The following ACO1 variants were observed in gnomAD, a reference collection of about 807,000 sequenced individuals.
The protein encoded by ACO1 is cytoplasmic aconitate hydratase.
A neutral mutation model predicts 105.1 loss-of-function variants in ACO1; 78 were observed. That is an observed-to-expected ratio of 0.74 (90% CI 0.62 to 0.90). The LOEUF is 0.90. Ranked by LOEUF, ACO1 falls within the 40% of genes least tolerant of loss-of-function variation. The pLI is 0.00. For missense variants in ACO1, 965 were observed against 1,111.1 expected (o/e 0.87, Z 1.87); for synonymous variants, 364 against 397.4 (o/e 0.92, Z 1.00).
chr9:32,446,678 A>G (rs2118578214), intron 19 of ACO1, among the ~76,000 whole-genome samples: 1 of 152,210 alleles, frequency 6.6e-6, no homozygotes, highest in South Asian at 2.1e-4. Flanking sequence ...TTTTCATAGC[A>G]TCGATGGTCT....
intron 14 of ACO1, among the ~76,000 whole-genome samples, chr9:32,431,219 G>A (rs187883885): frequency 6.6e-6 from 1 of 152,238 alleles, no homozygotes; most frequent in East Asian, 1.9e-4. Flanking sequence ...CAACACACAC[G>A]TTCTATGCTG....
At chr9:32,386,150 G>T (rs79108616) in intron 1 of ACO1, among the ~76,000 whole-genome samples, 2,789 of 152,300 alleles carry the variant, frequency 0.018, 41 homozygotes, top group Non-Finnish European at 0.026. Context: ...AACAGGACCT[G>T]TAGGCTCACA....
intron 4 of ACO1, among the ~76,000 whole-genome samples, chr9:32,416,432 G>A (rs576068145): frequency 1.1e-4 from 17 of 152,144 alleles, no homozygotes; most frequent in Non-Finnish European, 7.4e-5. Flanking sequence ...ACATGCTTCC[G>A]GTCCCTTTTT....
intron 1 of ACO1, among the ~76,000 whole-genome samples, chr9:32,393,885 C>T (rs1055699643): frequency 1.3e-5 from 2 of 152,148 alleles, no homozygotes; most frequent in East Asian, 3.9e-4. Flanking sequence ...ACACCGTAAC[C>T]TGCCTCCCAG....
intron 10 of ACO1, among the ~76,000 whole-genome samples, chr9:32,425,472 A>G (rs544638341): frequency 3.9e-5 from 6 of 152,320 alleles, no homozygotes; most frequent in Non-Finnish European, 8.8e-5. Context: ...GTCCATATCC[A>G]TTAAACTGTA....
intron 14 of ACO1, 118 bp from the exon 15 acceptor site, chr9:32,431,601 T>C: frequency 1.9e-6 from 2 of 1,081,076 alleles, no homozygotes; most frequent in Non-Finnish European, 2.7e-6. Flanking sequence ...ATCCAGTCAT[T>C]CAGTGTTCAC....
chr9:32,417,431 G>A (rs1483501599), intron 4 of ACO1, among the ~76,000 whole-genome samples: 1 of 152,180 alleles, frequency 6.6e-6, no homozygotes, highest in Admixed American at 6.5e-5. Flanking sequence ...CACATTCTGT[G>A]TGCTGAATCT....
At chr9:32,413,268 G>A (rs985449530) in intron 4 of ACO1, among the ~76,000 whole-genome samples, 8 of 152,018 alleles carry the variant, frequency 5.3e-5, no homozygotes, top group African/African-American at 9.7e-5. Flanking sequence ...GGTGGATCAC[G>A]AGGTCAGGAG....
Position 32,430,481 on chromosome 9 carries a change from A to G in ACO1, c.1633A>G (p.Asn545Asp). 4 of 1,612,254 alleles carry G rather than the reference A, an allele frequency of 2.5e-6. No homozygotes were observed. Among genetic ancestry groups the G allele is most frequent in the Non-Finnish European group, 3.4e-6 (4 of 1,179,394 alleles). The change falls in exon 14 of 21, where the codon AAC (asparagine) becomes GAC (aspartate). Residue 545 changes from asparagine to aspartate, a missense_variant. Asn to Asp is a conservative substitution (Grantham distance 23). Coordinates refer to ENST00000309951, the MANE Select transcript of ACO1 (RefSeq NM_002197.3). ...NRNFEGRVHP[N>D]TRANYLASPP... ...GAATTTTGAAGGTCGAGTTCACCCC[A>G]ACACCCGGGCCAACTATTTAGCCTC... is the stretch of plus-strand genomic sequence containing the variant.
At chr9:32,441,650 G>T (rs964444507) in intron 19 of ACO1, among the ~76,000 whole-genome samples, 7 of 152,176 alleles carry the variant, frequency 4.6e-5, no homozygotes, top group Non-Finnish European at 1.0e-4. Context: ...TTTTAGGAAG[G>T]GGGTTGGGAG....
intron 1 of ACO1, among the ~76,000 whole-genome samples, chr9:32,388,546 G>A (rs991412488): frequency 2.0e-5 from 3 of 151,822 alleles, no homozygotes; most frequent in Non-Finnish European, 4.4e-5. Flanking sequence ...AAAAATCCTC[G>A]TTATATATGT....
At position 32,405,438 on chromosome 9, in the gene ACO1, C is replaced by A. The variant is rs763818525; in HGVS notation, c.-22-47C>A. 5 of 1,170,754 alleles carry A rather than the reference C, an allele frequency of 4.3e-6. No homozygotes were observed. In the African/African-American group the frequency reaches 7.6e-5, roughly 18 times the overall value. 72.5% of individuals were successfully genotyped at this position (1,170,754 alleles called of 1,614,324 possible). On this transcript the variant is annotated intron_variant, in intron 1 of 20. Transcript: ENST00000309951. ...TTCCTCCCAGTCCTGATTTCTAGGT[C>A]CCAGACCTCTTAAAAAAAGAATTTA... is the stretch of plus-strand genomic sequence containing the variant.
chr9:32,437,273 G>C (rs1822381912), intron 18 of ACO1, among the ~76,000 whole-genome samples: 1 of 152,146 alleles, frequency 6.6e-6, no homozygotes, highest in Non-Finnish European at 1.5e-5. Flanking sequence ...GCATAAAGAG[G>C]TCATATTACT....
chr9:32,425,888 G>A lies in ACO1; in HGVS notation c.1239G>A (p.Lys413=). 2 of 1,613,832 alleles carry A rather than the reference G, an allele frequency of 1.2e-6. No individual in the cohort carries two copies. The highest frequency in any genetic ancestry group is 2.2e-5 in the South Asian group (2 of 91,060). ...QVAPEHHNDH[K]TFIYDNTEFT... Reference sequence around the variant, plus strand: ...CTCCTGAACATCATAATGACCATAAGACCTTTATCTATGATAACACTGAAT... The same window carrying A: ...CTCCTGAACATCATAATGACCATAAAACCTTTATCTATGATAACACTGAAT... Residue 413 remains lysine, a synonymous_variant, in exon 11 of 21, where the codon AAG becomes AAA. Coordinates refer to ENST00000309951, the MANE Select transcript of ACO1 (RefSeq NM_002197.3).
intron 1 of ACO1, among the ~76,000 whole-genome samples, chr9:32,394,145 C>T (rs903281142): frequency 6.6e-5 from 10 of 152,202 alleles, no homozygotes; most frequent in Admixed American, 5.9e-4. Flanking sequence ...CACTTTTGTG[C>T]CTTTAATGTA....
chr9:32,430,196 C>T (rs1049433759), intron 13 of ACO1, among the ~76,000 whole-genome samples: 8 of 152,298 alleles, frequency 5.3e-5, no homozygotes, highest in African/African-American at 1.9e-4. Context: ...GATATTTTCT[C>T]GTGAGCAGAA....
At chr9:32,385,015 G>T (rs1487218186) in intron 1 of ACO1, among the ~76,000 whole-genome samples, 1 of 152,230 alleles carries the variant, frequency 6.6e-6, no homozygotes, top group African/African-American at 2.4e-5. Context: ...GTGCTGTCCT[G>T]AAAGTCCTTG....
At chr9:32,409,907 A>C (rs528600410) in intron 4 of ACO1, among the ~76,000 whole-genome samples, 1 of 152,318 alleles carries the variant, frequency 6.6e-6, no homozygotes, top group South Asian at 2.1e-4. Flanking sequence ...TGAACTAGCA[A>C]CTTAGGCCTG....
chr9:32,420,611 A>T (rs1821951462), intron 7 of ACO1, among the ~76,000 whole-genome samples: 2 of 152,208 alleles, frequency 1.3e-5, no homozygotes. Flanking sequence ...GGTACTCTTA[A>T]CTACAGACTT....
Sources: allele counts gnomAD v4.1 joint callset (sites outside exome capture counted in the v4.1 genomes callset), GRCh38; gene constraint gnomAD v4.1.1; transcripts MANE v1.5; gene names NCBI Gene and HGNC (gene_info 2026-07-23, HGNC 2026-07-21).